The following ARHGAP25 variants were observed in gnomAD, a reference collection of about 807,000 sequenced individuals.
ARHGAP25 encodes Rho GTPase activating protein 25, also known as rho GTPase-activating protein 25.
Under a neutral mutation model 71.0 loss-of-function variants are expected in ARHGAP25, and 34 were observed. The observed-to-expected ratio is 0.48, with a 90% CI of 0.36 to 0.64. ARHGAP25 has a LOEUF of 0.64. Among genes scored for constraint, ARHGAP25 ranks in the 30% least tolerant of loss-of-function variants. The probability of loss-of-function intolerance (pLI) is 0.00; values close to 1 mark genes in which losing one functional copy is unlikely to be tolerated. For missense variants in ARHGAP25, 706 were observed against 805.1 expected, an observed-to-expected ratio of 0.88 and a Z score of 1.49; for synonymous variants, 282 against 296.5, an observed-to-expected ratio of 0.95 and a Z score of 0.50.
At chr2:68,725,168 C>T (rs926372275) in intron 2 of ARHGAP25, among the ~76,000 whole-genome samples, 2 of 152,138 alleles carry the variant, frequency 1.3e-5, no homozygotes, top group Admixed American at 6.5e-5. Context: ...CACAATCATG[C>T]GCAGTGAGCT....
At chr2:68,796,847 T>G (rs940809822) in intron 4 of ARHGAP25, among the ~76,000 whole-genome samples, 1 of 152,140 alleles carries the variant, frequency 6.6e-6, no homozygotes, top group African/African-American at 2.4e-5. Context: ...GCTTTTGACC[T>G]TTTGGGCAGC....
At chr2:68,758,574 T>C (rs1366213857) in intron 1 of ARHGAP25, among the ~76,000 whole-genome samples, 1 of 151,800 alleles carries the variant, frequency 6.6e-6, no homozygotes, top group Non-Finnish European at 1.5e-5. Context: ...ATAATAAACA[T>C]TTACACATCA....
chr2:68,797,471 T>C (rs962258721), intron 4 of ARHGAP25, among the ~76,000 whole-genome samples: 2 of 152,158 alleles, frequency 1.3e-5, no homozygotes, highest in Non-Finnish European at 2.9e-5. Flanking sequence ...TCCTAGGCCA[T>C]AGGAGATGCC....
rs138936300 is a variant in ARHGAP25, at chr2:68,790,545, G to T, written c.466+2589G>T. Reference sequence around the variant, plus strand: ...TAACGTGGGTTGACTAGATGGGAAAGACATGCCTCCCAAATATTGTGAAGT... The same window carrying T: ...TAACGTGGGTTGACTAGATGGGAAATACATGCCTCCCAAATATTGTGAAGT... On this transcript the variant is annotated intron_variant, in intron 4 of 10. Coordinates refer to ENST00000409202, the MANE Select transcript of ARHGAP25 (RefSeq NM_001007231.3). Among the ~76,000 whole-genome samples, 380 of 152,308 alleles carry T rather than the reference G, an allele frequency of 2.5e-3. 3 individuals carry two copies. Among genetic ancestry groups the T allele is most frequent in the African/African-American group, 8.7e-3 (362 of 41,566 alleles).
chr2:68,757,957 A>G (rs1421282972), intron 1 of ARHGAP25, among the ~76,000 whole-genome samples: 2 of 152,070 alleles, frequency 1.3e-5, no homozygotes, highest in Non-Finnish European at 2.9e-5. Flanking sequence ...GACATCTGCA[A>G]CTTAAAGGGG....
At chr2:68,749,812 A>G (rs768555909) in intron 1 of ARHGAP25, among the ~76,000 whole-genome samples, 1 of 152,220 alleles carries the variant, frequency 6.6e-6, no homozygotes, top group Admixed American at 6.5e-5. Context: ...ATATGCAGCA[A>G]AGTTTGTGAT....
chr2:68,725,425 CACA>C (rs1674859911), intron 2 of ARHGAP25, among the ~76,000 whole-genome samples: 1 of 152,104 alleles, frequency 6.6e-6, no homozygotes, highest in Admixed American at 6.5e-5. Context: ...CTTGGGCTCA[CACA>C]TTCCCCCCAT....
chr2:68,793,493 G>A (rs951163257), intron 4 of ARHGAP25, among the ~76,000 whole-genome samples: 15 of 152,044 alleles, frequency 9.9e-5, no homozygotes, highest in African/African-American at 2.9e-4. Context: ...TTCAGCATTT[G>A]GCAATCAGAT....
At chr2:68,779,326 T>C (rs910382252) in intron 2 of ARHGAP25, among the ~76,000 whole-genome samples, 1 of 152,118 alleles carries the variant, frequency 6.6e-6, no homozygotes, top group African/African-American at 2.4e-5. Flanking sequence ...TTATATAGGA[T>C]TTCCACCACA....
Position 68,822,468 on chromosome 2 carries a change from A to G in ARHGAP25, c.1329A>G (p.Thr443=), listed in dbSNP as rs755818506. ...WKMQSRKRTQ[T]LPNRKCFLTS... ...TGCAATCTCGTAAAAGGACTCAAAC[A>G]CTCCCTAACCGGAAATGTTTCTTGA... Residue 443 remains threonine (T), a synonymous_variant, in exon 10 of 11, where the codon ACA becomes ACG. Transcript: ENST00000409202. 6 of 1,614,036 alleles carry G rather than the reference A, an allele frequency of 3.7e-6. No individual in the cohort carries two copies. In the South Asian group the frequency reaches 6.6e-5, roughly 18 times the overall value.
At chr2:68,750,826 A>G (rs1023580830) in intron 1 of ARHGAP25, among the ~76,000 whole-genome samples, 1 of 152,234 alleles carries the variant, frequency 6.6e-6, no homozygotes, top group African/African-American at 2.4e-5. Context: ...CTGCTCACAC[A>G]GGGAATTAGT....
intron 1 of ARHGAP25, among the ~76,000 whole-genome samples, chr2:68,749,496 A>G (rs1676033428): frequency 6.6e-6 from 1 of 151,990 alleles, no homozygotes; most frequent in Non-Finnish European, 1.5e-5. Context: ...CCTCTTAACC[A>G]TTTCCCGTCT....
chr2:68,818,969 G>A (rs1455224661), intron 8 of ARHGAP25, among the ~76,000 whole-genome samples, 154 bp from the exon 9 acceptor site: 2 of 152,166 alleles, frequency 1.3e-5, no homozygotes, highest in Non-Finnish European at 2.9e-5. Context: ...CCAACTCCAA[G>A]CAATTAAAAA....
chr2:68,781,012 G>A (rs1448174526), intron 2 of ARHGAP25, among the ~76,000 whole-genome samples: 1 of 152,208 alleles, frequency 6.6e-6, no homozygotes, highest in Admixed American at 6.5e-5. Flanking sequence ...GACATTCAAA[G>A]TGTCAGTTTC....
At chr2:68,791,669 G>A (rs959645594) in intron 4 of ARHGAP25, among the ~76,000 whole-genome samples, 6 of 152,058 alleles carry the variant, frequency 3.9e-5, no homozygotes, top group African/African-American at 1.4e-4. Flanking sequence ...GTACACCCTA[G>A]GGAATGAATC....
chr2:68,775,104 C>T (rs1677780980), intron 1 of ARHGAP25, 117 bp from the exon 2 acceptor site: 1 of 1,587,362 alleles, frequency 6.3e-7, no homozygotes, highest in Non-Finnish European at 8.6e-7. Flanking sequence ...TGAACTGGAC[C>T]TGGTTGTCGT....
intron 10 of ARHGAP25, among the ~76,000 whole-genome samples, chr2:68,825,208 G>A (rs1055275035): frequency 7.2e-5 from 11 of 152,120 alleles, no homozygotes; most frequent in African/African-American, 2.7e-4. Flanking sequence ...CCAAATCTTG[G>A]TCCCCAGGAG....
intron 10 of ARHGAP25, 113 bp downstream of exon 10, chr2:68,822,985 C>A: frequency 8.7e-7 from 1 of 1,149,710 alleles, no homozygotes; most frequent in South Asian, 1.6e-5. Flanking sequence ...TTGGGGAAGA[C>A]AGTAATCTAT....
At chr2:68,786,195 G>C (rs1012377974) in intron 3 of ARHGAP25, among the ~76,000 whole-genome samples, 2 of 152,124 alleles carry the variant, frequency 1.3e-5, no homozygotes, top group Non-Finnish European at 2.9e-5. Flanking sequence ...TTCCCAGTGG[G>C]GTTGCTCATG....
Sources: gnomAD v4.1 joint callset for allele counts (sites outside exome capture counted in the v4.1 genomes callset) on GRCh38, gnomAD v4.1.1 for gene constraint, MANE v1.5 for transcripts, NCBI Gene and HGNC (gene_info 2026-07-23, HGNC 2026-07-21) for gene names.